Variants in SLC7A11 observed in about 807,000 individuals in gnomAD.
SLC7A11 encodes solute carrier family 7 member 11, also known as cystine/glutamate transporter.
Under a neutral mutation model 54.5 loss-of-function variants are expected in SLC7A11, and 35 were observed. That is an observed-to-expected ratio of 0.64 (90% confidence interval 0.49 to 0.85). The LOEUF (loss-of-function observed/expected upper bound fraction) is 0.85. Among genes scored for constraint, SLC7A11 ranks in the 40% least tolerant of loss-of-function variants. SLC7A11 has a pLI of 0.00. For missense variants in SLC7A11, 583 were observed against 618.1 expected, an observed-to-expected ratio of 0.94 and a Z score of 0.60; for synonymous variants, 230 against 225.2, an observed-to-expected ratio of 1.02 and a Z score of -0.19.
chr4:138,229,963 CA>C (rs1738034309), intron 3 of SLC7A11, among the ~76,000 whole-genome samples: 1 of 152,110 alleles, frequency 6.6e-6, no homozygotes, highest in Non-Finnish European at 1.5e-5. Flanking sequence ...GATTCTGCCT[CA>C]GTCATTCAAG....
At chr4:138,182,900 G>T (rs905743919) in intron 8 of SLC7A11, among the ~76,000 whole-genome samples, 1 of 151,954 alleles carries the variant, frequency 6.6e-6, no homozygotes, top group Admixed American at 6.6e-5. Context: ...TTTTTTCTTG[G>T]CATCTTCAGA....
At chr4:138,183,624 C>G (rs1736801975) in intron 7 of SLC7A11, among the ~76,000 whole-genome samples, 1 of 152,074 alleles carries the variant, frequency 6.6e-6, no homozygotes. Flanking sequence ...GTGATAAAAG[C>G]TCAAATCAGA....
At chr4:138,231,830 A>C (rs1738087628) in intron 3 of SLC7A11, among the ~76,000 whole-genome samples, 1 of 152,202 alleles carries the variant, frequency 6.6e-6, no homozygotes, top group African/African-American at 2.4e-5. Context: ...CTGACATTAT[A>C]ACACTGGGAG....
At chr4:138,232,179 C>T in intron 3 of SLC7A11, 88 bp downstream of exon 3, 3 of 893,074 alleles carry the variant, frequency 3.4e-6, no homozygotes, top group Non-Finnish European at 5.6e-6. Context: ...GAGAGGCAAT[C>T]CCGCAATGCA....
intron 1 of SLC7A11, among the ~76,000 whole-genome samples, chr4:138,241,155 G>A (rs1738367985): frequency 6.6e-6 from 1 of 152,180 alleles, no homozygotes; most frequent in Non-Finnish European, 1.5e-5. Context: ...ATTGAGAAGA[G>A]ATGAAAGGTT....
At chr4:138,215,755 AG>A (rs1382741491) in intron 5 of SLC7A11, among the ~76,000 whole-genome samples, 1 of 145,178 alleles carries the variant, frequency 6.9e-6, no homozygotes. Flanking sequence ...GAAAGAAAAA[AG>A]AAAAAAAAAC....
At chr4:138,200,238 T>C (rs562327353) in intron 6 of SLC7A11, among the ~76,000 whole-genome samples, 11 of 152,278 alleles carry the variant, frequency 7.2e-5, no homozygotes, top group African/African-American at 2.6e-4. Context: ...AGCCAGTGTA[T>C]CTGTAAAGAT....
At position 138,167,036 on chromosome 4, in the gene SLC7A11, A is replaced by T. The variant is rs537294125; in HGVS notation, c.*4920T>A. On this transcript the variant is annotated 3_prime_UTR_variant, in exon 12 of 12. Transcript: ENST00000280612. Reference sequence around the variant, plus strand: ...AACTAATTGGAAAATATAAGGAAAGAAATAATTATCTCCCAAAATTGACTA... The same window carrying T: ...AACTAATTGGAAAATATAAGGAAAGTAATAATTATCTCCCAAAATTGACTA... The T allele has an allele frequency of 3.3e-5, 5 of 152,246 alleles. No individual in the cohort carries two copies. The South Asian group carries it at 1.0e-3, about 32-fold the overall frequency. The allele number at this position is 152,246 out of a possible 1,614,324, so 9.4% of individuals were successfully genotyped here.
intron 1 of SLC7A11, among the ~76,000 whole-genome samples, chr4:138,239,527 G>A (rs72939792): frequency 0.015 from 2,345 of 152,212 alleles, 63 homozygotes; most frequent in African/African-American, 0.052. Flanking sequence ...AGGCACTCCT[G>A]TCCAAAAGCT....
At chr4:138,220,089 G>A (rs370939297) in intron 4 of SLC7A11, among the ~76,000 whole-genome samples, 8 of 152,028 alleles carry the variant, frequency 5.3e-5, no homozygotes, top group Admixed American at 2.0e-4. Flanking sequence ...ACAGGAGCGC[G>A]CCATCATGCC....
chr4:138,200,017 G>A (rs994169283), intron 6 of SLC7A11, among the ~76,000 whole-genome samples: 9 of 152,080 alleles, frequency 5.9e-5, no homozygotes, highest in Non-Finnish European at 1.3e-4. Context: ...CTAGCGAATA[G>A]TACCTTAAAA....
chr4:138,226,472 A>G (rs1378523924), intron 3 of SLC7A11, among the ~76,000 whole-genome samples: 1 of 152,156 alleles, frequency 6.6e-6, no homozygotes, highest in Non-Finnish European at 1.5e-5. Context: ...TTATCTGAGC[A>G]TCCAGACATT....
At chr4:138,231,282 A>G (rs961550818) in intron 3 of SLC7A11, among the ~76,000 whole-genome samples, 2 of 152,148 alleles carry the variant, frequency 1.3e-5, no homozygotes, top group African/African-American at 4.8e-5. Flanking sequence ...AGACTCCACC[A>G]CTACGCAATA....
rs956166271 is a variant in SLC7A11 at position 138,242,328 on chromosome 4, T to C, written c.-259A>G. On this transcript the variant is annotated 5_prime_UTR_variant, in exon 1 of 12. Transcript: ENST00000280612. The stretch of plus-strand genomic sequence containing the variant: ...CCACCACTGCTGCTGCTGCTGCTGC[T>C]GCCGCCCTATCATTACAAACCAGCT... 6.1e-5 allele frequency: 31 copies of C among 511,948 alleles called. No homozygotes were observed. Among genetic ancestry groups the C allele is most frequent in the Admixed American group, 5.1e-4 (16 of 31,110 alleles). 31.7% of individuals were successfully genotyped at this position (511,948 alleles called of 1,614,324 possible).
rs1194804553 is a variant in SLC7A11 at position 138,167,322 on chromosome 4, T to C, written c.*4634A>G. ...GCCTGCCACCACGCCCGGCTAATTT[T>C]TATATTTTTAGTTGAGACAGGGTTT... On this transcript the variant is annotated 3_prime_UTR_variant, in exon 12 of 12. Coordinates refer to ENST00000280612, the MANE Select transcript of SLC7A11 (RefSeq NM_014331.4). 1 of 151,496 alleles carries C rather than the reference T, an allele frequency of 6.6e-6. No individual in the cohort carries two copies. The highest frequency in any genetic ancestry group is 2.0e-4 in the East Asian group (1 of 5,128). 9.4% of individuals were successfully genotyped at this position (151,496 alleles called of 1,614,324 possible).
At chr4:138,210,481 T>C (rs192944552) in intron 6 of SLC7A11, among the ~76,000 whole-genome samples, 30 of 152,150 alleles carry the variant, frequency 2.0e-4, no homozygotes, top group African/African-American at 6.7e-4. Context: ...AAGACATTAC[T>C]CACAAACTAT....
intron 3 of SLC7A11, among the ~76,000 whole-genome samples, chr4:138,226,375 G>A (rs1157325111): frequency 6.6e-6 from 1 of 151,952 alleles, no homozygotes; most frequent in Non-Finnish European, 1.5e-5. Context: ...AAGCATGTGT[G>A]GTTTATTGTA....
chr4:138,193,314 G>T (rs1289264558), intron 6 of SLC7A11, among the ~76,000 whole-genome samples: 2 of 152,094 alleles, frequency 1.3e-5, no homozygotes, highest in Non-Finnish European at 2.9e-5. Flanking sequence ...TAAGCAATGG[G>T]ATTATAGACT....
rs555144386 is a variant in SLC7A11 at position 138,175,474 on chromosome 4, T to G, written c.1445-3457A>C. ...CAGGTTTGCCAGGTCTTGCTATCTT[T>G]GTGTATTTGCATATGTCATTGGGGT... is the stretch of plus-strand genomic sequence containing the variant. On this transcript the variant is annotated intron_variant, in intron 11 of 11. Coordinates refer to ENST00000280612, the MANE Select transcript of SLC7A11 (RefSeq NM_014331.4). 2.0e-5 allele frequency among the ~76,000 whole-genome samples: 3 copies of G among 152,110 alleles called. 1 individual carries two copies. In the East Asian group the frequency reaches 5.8e-4, roughly 29 times the overall value.
Sources: gnomAD v4.1 joint callset for allele counts (sites outside exome capture counted in the v4.1 genomes callset) on GRCh38, gnomAD v4.1.1 for gene constraint, MANE v1.5 for transcripts, NCBI Gene and HGNC (gene_info 2026-07-23, HGNC 2026-07-21) for gene names.